The following DLG2 variants were observed in gnomAD, a reference collection of about 807,000 sequenced individuals.
DLG2 encodes the protein discs large MAGUK scaffold protein 2.
In DLG2, 45 loss-of-function variants were observed where a neutral mutation model predicts 132.5. That is an observed-to-expected ratio of 0.34 (90% CI 0.27 to 0.44). The LOEUF (loss-of-function observed/expected upper bound fraction) is 0.44, where lower values mean the gene tolerates loss of function less well. Among genes scored for constraint, DLG2 ranks in the 20% least tolerant of loss-of-function variants. The pLI, the probability that DLG2 is intolerant of heterozygous loss-of-function variation, is 1.00. For missense variants in DLG2, 1,045 were observed against 1,196.9 expected, an observed-to-expected ratio of 0.87 and a Z score of 1.87; for synonymous variants, 424 against 419.6, an observed-to-expected ratio of 1.01 and a Z score of -0.13.
At chr11:85,578,900 T>C (rs1424504516) in intron 3 of DLG2, among the ~76,000 whole-genome samples, 1 of 152,148 alleles carries the variant, frequency 6.6e-6, no homozygotes, top group East Asian at 1.9e-4. Context: ...CAAAAGAATA[T>C]AAATAGTTCT....
chr11:85,320,261 G>A (rs2080969003), intron 3 of DLG2, among the ~76,000 whole-genome samples: 1 of 151,922 alleles, frequency 6.6e-6, no homozygotes, highest in Non-Finnish European at 1.5e-5. Context: ...ATCTAGTCCA[G>A]CAGCCTTATT....
At chr11:85,357,024 T>G (rs1468595302) in intron 3 of DLG2, among the ~76,000 whole-genome samples, 3 of 144,442 alleles carry the variant, frequency 2.1e-5, no homozygotes, top group Non-Finnish European at 3.0e-5. Flanking sequence ...TTTGGCAATT[T>G]ACAGAACTTA....
At chr11:84,727,730 G>A (rs946836012) in intron 6 of DLG2, among the ~76,000 whole-genome samples, 3 of 152,092 alleles carry the variant, frequency 2.0e-5, no homozygotes, top group Admixed American at 6.6e-5. Context: ...CTATCCATGA[G>A]AATGAAGGTT....
At chr11:84,979,292 C>T (rs1171467709) in intron 6 of DLG2, among the ~76,000 whole-genome samples, 1 of 152,182 alleles carries the variant, frequency 6.6e-6, no homozygotes, top group East Asian at 1.9e-4. Flanking sequence ...TTTGACCCAG[C>T]CATCCCATTA....
intron 3 of DLG2, among the ~76,000 whole-genome samples, chr11:85,370,471 T>C (rs1434917596): frequency 4.6e-5 from 7 of 152,212 alleles, no homozygotes; most frequent in Admixed American, 6.5e-5. Context: ...AAGGGTATTA[T>C]ATGGTTTTTC....
At chr11:84,147,272 C>T (rs2095119096) in intron 9 of DLG2, among the ~76,000 whole-genome samples, 1 of 152,094 alleles carries the variant, frequency 6.6e-6, no homozygotes, top group Admixed American at 6.6e-5. Context: ...CAGCTCTAGA[C>T]AAATCAACTG....
At chr11:85,095,609 T>C (rs1274617100) in intron 6 of DLG2, among the ~76,000 whole-genome samples, 1 of 152,150 alleles carries the variant, frequency 6.6e-6, no homozygotes, top group Non-Finnish European at 1.5e-5. Context: ...CCTATCCCTC[T>C]TCACAGGCCA....
In DLG2 at chr11:84,599,765, C is replaced by T. The variant is rs201110114; in HGVS notation, c.358-65034G>A. ...ATTCCAAGGGAAGCCAGCAGTGGGG[C>T]TCACATCTGTAATCCCAACACTTTA... is the stretch of plus-strand genomic sequence containing the variant. On this transcript the variant is annotated intron_variant, in intron 6 of 27. Coordinates refer to ENST00000376104, the MANE Select transcript of DLG2 (RefSeq NM_001142699.3). 3.3e-5 allele frequency among the ~76,000 whole-genome samples: 5 copies of T among 152,052 alleles called. No individual in the cohort carries two copies. In the East Asian group the frequency reaches 9.7e-4, roughly 29 times the overall value.
At chr11:83,961,538 G>A (rs1055673123) in intron 14 of DLG2, among the ~76,000 whole-genome samples, 1 of 152,018 alleles carries the variant, frequency 6.6e-6, no homozygotes, top group Admixed American at 6.6e-5. Context: ...TCTCTAAAAT[G>A]GAGATGAAAG....
intron 6 of DLG2, among the ~76,000 whole-genome samples, chr11:85,073,980 T>A (rs754131958): frequency 9.2e-5 from 14 of 151,770 alleles, no homozygotes; most frequent in Admixed American, 9.2e-4. Context: ...ATTATCCAAG[T>A]GAACCAACAC....
At chr11:84,292,019 GTAGCT>G (rs1438147572) in intron 7 of DLG2, among the ~76,000 whole-genome samples, 2 of 152,142 alleles carry the variant, frequency 1.3e-5, no homozygotes, top group Non-Finnish European at 2.9e-5. Flanking sequence ...ACAGACTACA[GTAGCT>G]AATCATTTCA....
chr11:84,517,647 G>A (rs372024272), intron 7 of DLG2, among the ~76,000 whole-genome samples: 36 of 151,822 alleles, frequency 2.4e-4, no homozygotes, highest in East Asian at 1.5e-3. Flanking sequence ...TCAACTATTG[G>A]GTATATAGCC....
At chr11:84,451,441 G>A (rs2099051319) in intron 7 of DLG2, among the ~76,000 whole-genome samples, 1 of 151,636 alleles carries the variant, frequency 6.6e-6, no homozygotes, top group African/African-American at 2.4e-5. Context: ...TTTGCCCTTG[G>A]GAGCTTATGC....
chr11:85,555,620 C>T (rs1200401550), intron 3 of DLG2, among the ~76,000 whole-genome samples: 3 of 151,858 alleles, frequency 2.0e-5, no homozygotes, highest in Admixed American at 6.6e-5. Flanking sequence ...CAAAAGATAA[C>T]CAATTGTCTT....
At chr11:84,826,470 T>C (rs2078339667) in intron 6 of DLG2, among the ~76,000 whole-genome samples, 1 of 151,898 alleles carries the variant, frequency 6.6e-6, no homozygotes, top group South Asian at 2.1e-4. Context: ...ATCACATAGC[T>C]TGTAGTTCTG....
intron 6 of DLG2, among the ~76,000 whole-genome samples, chr11:84,936,916 G>A (rs192318774): frequency 6.6e-6 from 1 of 152,266 alleles, no homozygotes; most frequent in Non-Finnish European, 1.5e-5. Flanking sequence ...ACTTTAGGAG[G>A]CCGAGGCAGC....
At chr11:83,532,668 C>T (rs2095784469) in intron 21 of DLG2, 40 bp downstream of exon 21, 2 of 1,571,736 alleles carry the variant, frequency 1.3e-6, no homozygotes, top group Admixed American at 1.7e-5. Context: ...AAATCCATGG[C>T]AACTGAGAGA....
intron 3 of DLG2, among the ~76,000 whole-genome samples, chr11:85,518,605 T>C (rs1387765005): frequency 6.6e-6 from 1 of 152,144 alleles, no homozygotes; most frequent in African/African-American, 2.4e-5. Context: ...GACAATGTGA[T>C]AGAAAAGAAA....
chr11:84,446,994 C>A (rs1221040733), intron 7 of DLG2, among the ~76,000 whole-genome samples: 1 of 152,112 alleles, frequency 6.6e-6, no homozygotes, highest in Admixed American at 6.5e-5. Flanking sequence ...AACTAGCCTG[C>A]AAATGAGGCT....
Sources: allele counts gnomAD v4.1 joint callset (sites outside exome capture counted in the v4.1 genomes callset), GRCh38; gene constraint gnomAD v4.1.1; transcripts MANE v1.5; gene names NCBI Gene and HGNC (gene_info 2026-07-23, HGNC 2026-07-21).